The following DSP variants were observed in gnomAD, a reference collection of about 807,000 sequenced individuals.
The protein encoded by DSP is 250/210 kDa paraneoplastic pemphigus antigen.
Under a neutral mutation model 290.6 loss-of-function variants are expected in DSP, and 114 were observed. That is an observed-to-expected ratio of 0.39 (90% CI 0.34 to 0.46). DSP has a LOEUF of 0.46. Among genes scored for constraint, DSP ranks in the 20% least tolerant of loss-of-function variants. The probability of loss-of-function intolerance (pLI) is 0.99; values close to 1 mark genes in which losing one functional copy is unlikely to be tolerated. For missense variants in DSP, 3,230 were observed against 3,495.8 expected (o/e 0.92, Z 1.92); for synonymous variants, 1,311 against 1,316.4 (o/e 1.00, Z 0.09).
rs556146644 is a variant in DSP at position 7,545,676 on chromosome 6, C to T, written c.170+3591C>T. ...GTACACGAAGACTAGCACGCAAAAG[C>T]GGAATGCACAGGAGGGGTGTACGTG... On this transcript the variant is annotated intron_variant, in intron 1 of 23. Transcript: ENST00000379802. 4.6e-5 allele frequency among the ~76,000 whole-genome samples: 7 copies of T among 152,302 alleles called. No homozygotes were observed. In the South Asian group the frequency reaches 1.0e-3, roughly 23 times the overall value.
intron 1 of DSP, among the ~76,000 whole-genome samples, chr6:7,550,064 G>A (rs1345642334): frequency 2.0e-5 from 3 of 151,720 alleles, no homozygotes; most frequent in African/African-American, 7.3e-5. Context: ...TTAAGACAAG[G>A]TCTTGTTCTT....
In DSP at chr6:7,584,682, A is replaced by C; in HGVS notation, c.7420A>C (p.Asn2474His). The C allele has an allele frequency of 1.2e-6, 2 of 1,614,206 alleles. No homozygotes were observed. Among genetic ancestry groups the C allele is most frequent in the Non-Finnish European group, 1.7e-6 (2 of 1,180,040 alleles). Residue 2474 changes from asparagine (N) to histidine (H), a missense_variant, in exon 24 of 24, where the codon AAT becomes CAT. Physicochemically the swap from Asn to His is moderately conservative, Grantham distance 68. This residue lies in a region of DSP where 582 missense variants were observed against 555.4 expected (regional missense o/e 1.05). Coordinates refer to ENST00000379802, the MANE Select transcript of DSP (RefSeq NM_004415.4). The surrounding 1 kb of genome is among the most constrained non-coding windows in gnomAD (Gnocchi z 6.4). Reference protein sequence around the residue: ...RRVVIVDPETNKEMSVQEAYK... With the variant: ...RRVVIVDPETHKEMSVQEAYK... ...AGTGGTCATAGTTGACCCAGAAACC[A>C]ATAAAGAAATGTCTGTTCAGGAGGC... is the stretch of plus-strand genomic sequence containing the variant.
At chr6:7,576,065 TTGTTTGGCAG>T (rs1759231470) in intron 18 of DSP, among the ~76,000 whole-genome samples, 1 of 152,218 alleles carries the variant, frequency 6.6e-6, no homozygotes, top group South Asian at 2.1e-4. Context: ...TAATATTCCA[TTGTTTGGCAG>T]TGCCACATTT....
At chr6:7,561,421 T>C (rs908268708) in intron 4 of DSP, among the ~76,000 whole-genome samples, 2 of 152,168 alleles carry the variant, frequency 1.3e-5, no homozygotes, top group Non-Finnish European at 2.9e-5. Context: ...CCTGCATGCT[T>C]TACCTCATTC....
Position 7,582,609 on chromosome 6 carries a change from AT to A in DSP, c.5380-27del. 2 of 1,561,598 alleles carry A rather than the reference AT, an allele frequency of 1.3e-6. 1 individual carries two copies. The highest frequency in any genetic ancestry group is 1.8e-6 in the Non-Finnish European group (2 of 1,132,744). On this transcript the variant is annotated intron_variant, in intron 23 of 23. Transcript: ENST00000379802. The surrounding 1 kb of genome is among the most constrained non-coding windows in gnomAD (Gnocchi z 4.2). ...GTAATATGATATGATTCAAAACATTATTTTTTCCCATTTCTTTCTTCTTCAA... is the reference window on the plus strand; with the variant it reads ...GTAATATGATATGATTCAAAACATTATTTTTCCCATTTCTTTCTTCTTCAA...
At position 7,562,728 on chromosome 6, in the gene DSP, A is replaced by C; in HGVS notation, c.674A>C (p.His225Pro). The C allele has an allele frequency of 1.2e-6, 2 of 1,614,176 alleles. No individual in the cohort carries two copies. Among genetic ancestry groups the C allele is most frequent in the Non-Finnish European group, 1.7e-6 (2 of 1,180,030 alleles). ...EQHINSHRGI[H>P]NSIGDYRWQL... ...CACATTAACAGCCACCGGGGCATCC[A>C]CAACTCCATCGGCGACTATCGCTGG... is the stretch of plus-strand genomic sequence containing the variant. The change falls in exon 5 of 24, where the codon CAC becomes CCC. Residue 225 changes from histidine to proline, a missense_variant. This residue lies in a region of DSP where 646 missense variants were observed against 684.3 expected (regional missense o/e 0.94). Coordinates refer to ENST00000379802, the MANE Select transcript of DSP (RefSeq NM_004415.4).
In DSP at chr6:7,558,208, C is replaced by T; in HGVS notation, c.366C>T (p.Asp122=). ...CCAATGACCAAATGGAAATCCTCGA[C>T]AGCTTGATCAGAGAGATGCGGCAGA... ...AQANDQMEIL[D]SLIREMRQMG... is the part of the protein sequence containing the mutation. Residue 122 remains aspartate, a synonymous_variant, in exon 3 of 24, where the codon GAC becomes GAT. Coordinates refer to ENST00000379802, the MANE Select transcript of DSP (RefSeq NM_004415.4). 1 of 1,614,210 alleles carries T rather than the reference C, an allele frequency of 6.2e-7. No individual in the cohort carries two copies. The highest frequency in any genetic ancestry group is 1.1e-5 in the South Asian group (1 of 91,088).
Position 7,580,682 on chromosome 6 carries a change from A to C in DSP, c.4492A>C (p.Lys1498Gln). 1.2e-6 allele frequency: 2 copies of C among 1,614,084 alleles called. No individual in the cohort carries two copies. Among genetic ancestry groups the C allele is most frequent in the Non-Finnish European group, 1.7e-6 (2 of 1,180,036 alleles). ...GATCGACAAAGAAACAAATGACCGG[A>C]AATGCCTGGAAGATGAAAACGCGAG... ...QLIDKETNDR[K>Q]CLEDENARLQ... is the part of the protein sequence containing the mutation. The change falls in exon 23 of 24, where the codon AAA (lysine) becomes CAA (glutamine). Residue 1498 changes from lysine (K) to glutamine (Q), a missense_variant. Around this residue, in one of 5 missense-constraint regions of DSP, gnomAD observed 1,714 missense variants for 1,844.5 expected, o/e 0.93. Coordinates refer to ENST00000379802, the MANE Select transcript of DSP (RefSeq NM_004415.4). This position sits in a 1 kb window ranked among gnomAD's most constrained non-coding sequence, Gnocchi z 4.2.
At chr6:7,552,194 T>C (rs1758360516) in intron 1 of DSP, among the ~76,000 whole-genome samples, 1 of 152,192 alleles carries the variant, frequency 6.6e-6, no homozygotes, top group South Asian at 2.1e-4. Flanking sequence ...GCATTCCCCA[T>C]TCCTATACAG....
rs1236158810 is a variant in DSP at position 7,565,550 on chromosome 6, T to C, written c.939+30T>C. 2 of 1,613,578 alleles carry C rather than the reference T, an allele frequency of 1.2e-6. No individual in the cohort carries two copies. The highest frequency in any genetic ancestry group is 2.2e-5 in the South Asian group (2 of 91,044). On this transcript the variant is annotated intron_variant, in intron 7 of 23. Transcript: ENST00000379802. The surrounding 1 kb of genome is among the most constrained non-coding windows in gnomAD (Gnocchi z 4.2). ...GTTCACCCCACGCGGCTGTAGATGC[T>C]TGTCTTGAGCCTGTTGCCTTGAAGA...
chr6:7,576,859 GA>G (rs1259951364), intron 19 of DSP, 99 bp from the exon 20 acceptor site: 3 of 1,079,708 alleles, frequency 2.8e-6, no homozygotes, highest in South Asian at 1.4e-5. Context: ...GTAATAAACT[GA>G]AAAAAGGGTA....
chr6:7,569,095 C>T, intron 11 of DSP, 91 bp from the exon 12 acceptor site: 1 of 1,551,208 alleles, frequency 6.4e-7, no homozygotes, highest in Non-Finnish European at 8.9e-7. Flanking sequence ...TAATAATTCG[C>T]ATGTGTTCAT....
At chr6:7,564,219 T>A (rs746684820) in intron 6 of DSP, among the ~76,000 whole-genome samples, 2 of 152,246 alleles carry the variant, frequency 1.3e-5, no homozygotes, top group Non-Finnish European at 2.9e-5. Context: ...TGAATTGTGG[T>A]CTTTTTTACG....
chr6:7,550,543 G>A lies in DSP; in HGVS notation c.171-5175G>A, dbSNP rs185207213. 5.4e-3 allele frequency among the ~76,000 whole-genome samples: 822 copies of A among 151,848 alleles called. 4 individuals carry two copies. Among genetic ancestry groups the A allele is most frequent in the Middle Eastern group, 0.014 (4 of 294 alleles). On this transcript the variant is annotated intron_variant, in intron 1 of 23. Transcript: ENST00000379802. ...GTCTTTGGATTAGAATCCAGAACTT[G>A]TTTTCTTTTTAACCACCGATGAAGG...
rs193197554 is a variant in DSP at position 7,580,705 on chromosome 6, G to A, written c.4515G>A (p.Ala1505=). 58 of 1,614,046 alleles carry A rather than the reference G, an allele frequency of 3.6e-5. No homozygotes were observed. In the Middle Eastern group the frequency reaches 1.3e-3, roughly 37 times the overall value. The change falls in exon 23 of 24, where the codon GCG becomes GCA. Residue 1505 remains alanine, a synonymous_variant. Coordinates refer to ENST00000379802, the MANE Select transcript of DSP (RefSeq NM_004415.4). This position sits in a 1 kb window ranked among gnomAD's most constrained non-coding sequence, Gnocchi z 4.2. The part of the protein sequence containing the change: ...NDRKCLEDEN[A]RLQRVQYDLQ... ...GGAAATGCCTGGAAGATGAAAACGC[G>A]AGATTACAAAGGGTCCAGTATGACC...
At chr6:7,567,715 A>G in intron 9 of DSP, 66 bp from the exon 10 acceptor site, 1 of 1,609,022 alleles carries the variant, frequency 6.2e-7, no homozygotes, top group Non-Finnish European at 8.5e-7. Context: ...TCCTTGAAAC[A>G]GAACTACTAG....
rs555992606 is a variant in DSP, at chr6:7,585,401, G to C, written c.8139G>C (p.Val2713=). ...GKKKMSAAEA[V]KEKWLPYEAG... is the part of the protein sequence containing the mutation. ...AGAAGATGTCAGCAGCAGAGGCAGTGAAAGAAAAATGGCTCCCGTATGAGG... is the reference window on the plus strand; with the variant it reads ...AGAAGATGTCAGCAGCAGAGGCAGTCAAAGAAAAATGGCTCCCGTATGAGG... Residue 2713 remains valine (V), a synonymous_variant, in exon 24 of 24, where the codon GTG becomes GTC. Coordinates refer to ENST00000379802, the MANE Select transcript of DSP (RefSeq NM_004415.4). 1 of 1,614,018 alleles carries C rather than the reference G, an allele frequency of 6.2e-7. No individual in the cohort carries two copies. Among genetic ancestry groups the C allele is most frequent in the African/African-American group, 1.3e-5 (1 of 74,926 alleles).
chr6:7,563,108 A>G (rs1057477853), intron 5 of DSP, among the ~76,000 whole-genome samples: 3 of 152,192 alleles, frequency 2.0e-5, no homozygotes, highest in Non-Finnish European at 4.4e-5. Context: ...ACAGTCTTAT[A>G]CAGTAGTTTG....
intron 4 of DSP, among the ~76,000 whole-genome samples, chr6:7,560,965 T>G (rs534758012): frequency 6.6e-6 from 1 of 152,060 alleles, no homozygotes; most frequent in East Asian, 1.9e-4. Context: ...CTTTTTTTTT[T>G]TTTTGAGAGG....
Sources: gnomAD v4.1 joint callset for allele counts (sites outside exome capture counted in the v4.1 genomes callset) on GRCh38, gnomAD v4.1.1 for gene constraint, gnomAD v4.1.1 regional missense constraint, Gnocchi (gnomAD v3.1) non-coding constraint, MANE v1.5 for transcripts, NCBI Gene and HGNC (gene_info 2026-07-23, HGNC 2026-07-21) for gene names.